Variants in KANK3 observed in about 807,000 individuals in gnomAD.
The protein encoded by KANK3 is KN motif and ankyrin repeat domain-containing protein 3.
KANK3 carries 61 observed loss-of-function variants against 65.4 expected under a neutral mutation model. The observed-to-expected ratio is 0.93, with a 90% confidence interval of 0.76 to 1.15. KANK3 has a LOEUF of 1.15. KANK3 is among the 50% of genes most tolerant of loss of function. KANK3 has a pLI of 0.00. For synonymous variants in KANK3, 586 were observed against 543.3 expected, an observed-to-expected ratio of 1.08 and a Z score of -1.09; for missense variants, 1,187 against 1,178.8, an observed-to-expected ratio of 1.01 and a Z score of -0.10.
chr19:8,326,692 G>A (rs951159750), intron 7 of KANK3, among the ~76,000 whole-genome samples: 2 of 150,860 alleles, frequency 1.3e-5, no homozygotes, highest in Non-Finnish European at 2.9e-5. Flanking sequence ...AGCTACTCAG[G>A]AGGCTGAGGC....
Position 8,333,049 on chromosome 19 carries a change from CCG to C in KANK3, c.1899_1900del (p.His633GlnfsTer54). The C allele has an allele frequency of 7.2e-7, 1 of 1,387,898 alleles. No individual in the cohort carries two copies. Among genetic ancestry groups the C allele is most frequent in the Non-Finnish European group, 9.6e-7 (1 of 1,037,996 alleles). The allele number at this position is 1,387,898 out of a possible 1,614,324, so 86.0% of individuals were successfully genotyped here. On this transcript the variant is annotated frameshift_variant, in exon 7 of 11. Coordinates refer to ENST00000330915, the MANE Select transcript of KANK3 (RefSeq NM_198471.3). LOFTEE classifies it high-confidence loss of function. The surrounding 1 kb of genome is among the most constrained non-coding windows in gnomAD (Gnocchi z 5.0). ...GAGCAGGCTTGCGATGGCCAGGTTC[CCG>C]TGGGACACACTGTAGTGCAGGGCCG...
rs1970561667 is a variant in KANK3 at position 8,333,223 on chromosome 19, A to C, written c.1727T>G (p.Val576Gly). The C allele has an allele frequency of 3.7e-6, 6 of 1,610,248 alleles. No homozygotes were observed. Among genetic ancestry groups the C allele is most frequent in the South Asian group, 1.1e-5 (1 of 90,928 alleles). The change falls in exon 7 of 11, where the codon GTG becomes GGG. Residue 576 changes from valine to glycine, a missense_variant. Around this residue, in one of 3 missense-constraint regions of KANK3, gnomAD observed 1,078 missense variants for 1,038.2 expected, o/e 1.04. Transcript: ENST00000330915. The surrounding 1 kb of genome is among the most constrained non-coding windows in gnomAD (Gnocchi z 5.0). ...PRGVASDGGA[V>G]RLVAQEWFRV... ...AAACCACTCCTGGGCCACGAGGCGC[A>C]CTGCGCCCTGCAAGGGACAGGGGCC...
At chr19:8,332,986 G>GGCCCCCC in intron 7 of KANK3, 28 bp downstream of exon 7, 1 of 543,826 alleles carries the variant, frequency 1.8e-6, no homozygotes, top group Non-Finnish European at 3.5e-6. Flanking sequence ...ATTTCCTGGT[G>GGCCCCCC]TCCCACCCAC....
At chr19:8,339,361 GT>G (rs71175840) in intron 1 of KANK3, among the ~76,000 whole-genome samples, 52 of 138,916 alleles carry the variant, frequency 3.7e-4, no homozygotes, top group East Asian at 1.7e-3. Context: ...ATCTCTTTTT[GT>G]TTTTTTTTTT....
intron 7 of KANK3, among the ~76,000 whole-genome samples, chr19:8,325,865 C>T (rs541781284): frequency 2.6e-5 from 4 of 151,994 alleles, no homozygotes; most frequent in Admixed American, 6.6e-5. Flanking sequence ...CTCATTCTGT[C>T]GCCCAGGCTG....
chr19:8,337,771 A>C, intron 2 of KANK3, 24 bp downstream of exon 2: 1 of 1,611,886 alleles, frequency 6.2e-7, no homozygotes. Flanking sequence ...ACACACACAC[A>C]CATCTCTCTT....
intron 1 of KANK3, among the ~76,000 whole-genome samples, chr19:8,340,584 G>A (rs1236598392): frequency 1.3e-5 from 2 of 152,060 alleles, no homozygotes. Flanking sequence ...CTAACCACAT[G>A]GCAACACTCC....
chr19:8,335,566 G>T lies in KANK3; in HGVS notation c.261C>A (p.Gly87=). 1 of 1,218,966 alleles carries T rather than the reference G, an allele frequency of 8.2e-7. No homozygotes were observed. Among genetic ancestry groups the T allele is most frequent in the Non-Finnish European group, 1.0e-6 (1 of 972,744 alleles). The allele number at this position is 1,218,966 out of a possible 1,614,324, so 75.5% of individuals were successfully genotyped here. ...CCAGGGACTCGCTGGATGTCCAGGC[G>T]CCTGGGCTACGTGCGCCCGCGAGGC... ...RPGLAGARSP[G]AWTSSESLAS... is the part of the protein sequence containing the mutation. Residue 87 remains glycine (G), a synonymous_variant, in exon 3 of 11, where the codon GGC becomes GGA. Transcript: ENST00000330915.
In KANK3 at chr19:8,335,279, A is replaced by T; in HGVS notation, c.548T>A (p.Leu183Gln). The change falls in exon 3 of 11, where the codon CTG becomes CAG. Residue 183 changes from leucine (L) to glutamine (Q), a missense_variant. Around this residue, in one of 3 missense-constraint regions of KANK3, gnomAD observed 1,078 missense variants for 1,038.2 expected, o/e 1.04. Transcript: ENST00000330915. ...GGCCATCTGCTCGCGCACCAGCTGCAGTTGGGCAGGGCCGGGCGAAGCAGG... is the reference window on the plus strand; with the variant it reads ...GGCCATCTGCTCGCGCACCAGCTGCTGTTGGGCAGGGCCGGGCGAAGCAGG... The part of the protein sequence containing the change: ...LAPASPGPAQ[L>Q]QLVREQMAAA... 8.2e-7 allele frequency: 1 copy of T among 1,218,614 alleles called. No homozygotes were observed. The highest frequency in any genetic ancestry group is 1.0e-6 in the Non-Finnish European group (1 of 978,814). The allele number at this position is 1,218,614 out of a possible 1,614,324, so 75.5% of individuals were successfully genotyped here. A position where few individuals can be genotyped will look rare whatever the true frequency, so the allele number is the denominator to read the frequency against.
chr19:8,333,875 G>T lies in KANK3; in HGVS notation c.1634+35C>A. The stretch of plus-strand genomic sequence containing the variant: ...AGCGCCGACCAGGAGGAGGGCAGCC[G>T]CCTCCTCTCCAAACAACTAGCGAGC... On this transcript the variant is annotated intron_variant, in intron 5 of 10. Transcript: ENST00000330915. The surrounding 1 kb of genome is among the most constrained non-coding windows in gnomAD (Gnocchi z 5.0). 1 of 1,557,850 alleles carries T rather than the reference G, an allele frequency of 6.4e-7. No individual in the cohort carries two copies. The highest frequency in any genetic ancestry group is 1.4e-5 in the African/African-American group (1 of 73,374).
In KANK3 at chr19:8,333,939, C is replaced by T. The variant is rs1052331811; in HGVS notation, c.1605G>A (p.Glu535=). Residue 535 remains glutamate, a synonymous_variant, in exon 5 of 11, where the codon GAG becomes GAA. Transcript: ENST00000330915. This position sits in a 1 kb window ranked among gnomAD's most constrained non-coding sequence, Gnocchi z 5.0. ...GDIRDPEPEA[E]AEPQQVAQGR... is the part of the protein sequence containing the mutation. Reference sequence around the variant, plus strand: ...CCTGTGCCACCTGCTGAGGCTCTGCCTCCGCCTCGGGCTCAGGGTCCCGGA... The same window carrying T: ...CCTGTGCCACCTGCTGAGGCTCTGCTTCCGCCTCGGGCTCAGGGTCCCGGA... The T allele has an allele frequency of 3.2e-6, 5 of 1,575,158 alleles. No individual in the cohort carries two copies. The highest frequency in any genetic ancestry group is 4.3e-6 in the Non-Finnish European group (5 of 1,163,974).
Position 8,322,751 on chromosome 19 carries a change from G to T in KANK3, c.*88C>A, listed in dbSNP as rs368425974. 4.5e-5 allele frequency: 43 copies of T among 963,510 alleles called. No individual in the cohort carries two copies. The African/African-American group carries it at 4.9e-4, about 11-fold the overall frequency. The allele number at this position is 963,510 out of a possible 1,614,324, so 59.7% of individuals were successfully genotyped here. ...GGCCAGTGTTAGCCTCTGAGCAGGG[G>T]ACCCTGGACCCTTCTGTGCGCCAAA... On this transcript the variant is annotated 3_prime_UTR_variant, in exon 11 of 11. Transcript: ENST00000330915.
At chr19:8,334,205 C>A in intron 4 of KANK3, 89 bp from the exon 5 acceptor site, 1 of 1,515,194 alleles carries the variant, frequency 6.6e-7, no homozygotes, top group Non-Finnish European at 8.8e-7. Flanking sequence ...TCCCATTTAA[C>A]GATGAGGAAA....
chr19:8,336,894 G>A (rs1970649264), intron 2 of KANK3, among the ~76,000 whole-genome samples: 1 of 152,022 alleles, frequency 6.6e-6, no homozygotes, highest in African/African-American at 2.4e-5. Flanking sequence ...AGACCAGGGT[G>A]TCCCGAGCAG....
chr19:8,335,208 G>A lies in KANK3; in HGVS notation c.619C>T (p.Leu207=), dbSNP rs564711913. The change falls in exon 3 of 11, where the codon CTG becomes TTG. Residue 207 remains leucine (L), a synonymous_variant. Coordinates refer to ENST00000330915, the MANE Select transcript of KANK3 (RefSeq NM_198471.3). ...CGCACCTGCTCCTGCAGCTCGGGCA[G>A]CGTTCGCGCCTGGTCCTCGAGCTCG... is the stretch of plus-strand genomic sequence containing the variant. ...LRELEDQART[L]PELQEQVRAL... The A allele has an allele frequency of 1.0e-3, 1,235 of 1,220,480 alleles. 10 individuals carry two copies. The African/African-American group carries it at 0.018, about 18-fold the overall frequency. 75.6% of individuals were successfully genotyped at this position (1,220,480 alleles called of 1,614,324 possible).
chr19:8,331,697 G>A (rs1970528348), intron 7 of KANK3, among the ~76,000 whole-genome samples: 1 of 152,170 alleles, frequency 6.6e-6, no homozygotes. Context: ...CCTGCCTGGT[G>A]AGTACCTCCC....
rs1599644349 is a variant in KANK3 at position 8,329,691 on chromosome 19, C to T, written c.1936+3323G>A. The stretch of plus-strand genomic sequence containing the variant: ...CTAGAGTGGGCCGCTTTCCAGGGTC[C>T]CTCACCTGCCGTGCAAGTGGGGCAC... On this transcript the variant is annotated intron_variant, in intron 7 of 10. Transcript: ENST00000330915. Among the ~76,000 whole-genome samples the T allele has an allele frequency of 5.9e-5, 9 of 152,100 alleles. 2 individuals are homozygous for T. The highest frequency in any genetic ancestry group is 5.9e-4 in the Admixed American group (9 of 15,232).
In KANK3 at chr19:8,334,908, C is replaced by A; in HGVS notation, c.919G>T (p.Ala307Ser). Residue 307 changes from alanine to serine, a missense_variant, in exon 3 of 11, where the codon GCC becomes TCC. Physicochemically the swap from Ala to Ser is moderately conservative, Grantham distance 99. Transcript: ENST00000330915. ...CCCGCTTCTCGGGTCTCGGGCACGGCCTCGGCGGCCACCTCCCGGGTCTGG... is the reference window on the plus strand; with the variant it reads ...CCCGCTTCTCGGGTCTCGGGCACGGACTCGGCGGCCACCTCCCGGGTCTGG... ...TPQTREVAAE[A>S]VPETREAGAQ... 6.8e-7 allele frequency: 1 copy of A among 1,460,292 alleles called. No homozygotes were observed. The highest frequency in any genetic ancestry group is 2.7e-5 in the Admixed American group (1 of 37,504). 90.5% of individuals were successfully genotyped at this position (1,460,292 alleles called of 1,614,324 possible). A position where few individuals can be genotyped will look rare whatever the true frequency, so the allele number is the denominator to read the frequency against.
intron 7 of KANK3, among the ~76,000 whole-genome samples, chr19:8,329,505 A>AG (rs2145420953): frequency 6.6e-6 from 1 of 151,380 alleles, no homozygotes; most frequent in Admixed American, 6.6e-5. Flanking sequence ...AAAAAAAAAA[A>AG]AAAAAAAAAA....
Sources: allele counts gnomAD v4.1 joint callset (sites outside exome capture counted in the v4.1 genomes callset), GRCh38; gene constraint gnomAD v4.1.1; regional missense constraint gnomAD v4.1.1; non-coding constraint Gnocchi (gnomAD v3.1); transcripts MANE v1.5; gene names NCBI Gene and HGNC (gene_info 2026-07-23, HGNC 2026-07-21).